Variants in EPB41L4A observed in about 807,000 individuals in gnomAD.
The protein encoded by EPB41L4A is erythrocyte membrane protein band 4.1 like 4A.
Under a neutral mutation model 108.6 loss-of-function variants are expected in EPB41L4A, and 100 were observed. The ratio of observed to expected loss-of-function variants is 0.92; its 90% CI spans 0.78 to 1.09. The LOEUF (loss-of-function observed/expected upper bound fraction) is 1.09, where lower values mean the gene tolerates loss of function less well. Ranked by LOEUF, EPB41L4A falls within the 50% of genes least tolerant of loss-of-function variation. The probability of loss-of-function intolerance (pLI) is 0.00; values close to 1 mark genes in which losing one functional copy is unlikely to be tolerated. For synonymous variants in EPB41L4A, 319 were observed against 289.0 expected, an observed-to-expected ratio of 1.10 and a Z score of -1.05; for missense variants, 1,030 against 842.7, an observed-to-expected ratio of 1.22 and a Z score of -2.75.
intron 1 of EPB41L4A, among the ~76,000 whole-genome samples, chr5:112,387,851 G>GA (rs1760666359): frequency 1.3e-5 from 2 of 152,018 alleles, no homozygotes; most frequent in African/African-American, 2.4e-5. Flanking sequence ...ATATTAAAGA[G>GA]AAAAAAGCCT....
chr5:112,237,421 A>G (rs1361306439), intron 11 of EPB41L4A, among the ~76,000 whole-genome samples: 1 of 152,186 alleles, frequency 6.6e-6, no homozygotes, highest in East Asian at 1.9e-4. Context: ...AAGACAGAGT[A>G]AAGACTAGAA....
chr5:112,404,770 C>T (rs1244885645), intron 1 of EPB41L4A, among the ~76,000 whole-genome samples: 1 of 152,228 alleles, frequency 6.6e-6, no homozygotes, highest in African/African-American at 2.4e-5. Flanking sequence ...TCTTCACGCC[C>T]TGCATCAAGT....
intron 1 of EPB41L4A, among the ~76,000 whole-genome samples, chr5:112,377,622 C>G (rs17134426): frequency 4.1e-4 from 63 of 152,160 alleles, no homozygotes; most frequent in African/African-American, 1.4e-3. Context: ...GTAGTTTTGC[C>G]AAGACCAATT....
intron 1 of EPB41L4A, among the ~76,000 whole-genome samples, chr5:112,362,855 G>A (rs115017382): frequency 6.6e-6 from 1 of 151,934 alleles, no homozygotes; most frequent in Non-Finnish European, 1.5e-5. Flanking sequence ...CTGATCTGAT[G>A]GCTTATGATG....
intron 17 of EPB41L4A, among the ~76,000 whole-genome samples, chr5:112,191,852 T>C (rs1761716774): frequency 1.3e-5 from 2 of 152,102 alleles, no homozygotes; most frequent in South Asian, 4.1e-4. Context: ...CTCCATAGGC[T>C]ACAGTTTCCT....
At chr5:112,353,625 TC>T in intron 1 of EPB41L4A, among the ~76,000 whole-genome samples, 1 of 152,234 alleles carries the variant, frequency 6.6e-6, no homozygotes, top group Non-Finnish European at 1.5e-5. Context: ...GGCAGGGTTA[TC>T]CCCAGGTTTC....
rs772478601 is a variant in EPB41L4A, at chr5:112,262,588, C to T, written c.555-7G>A. On this transcript the variant is annotated splice_polypyrimidine_tract_variant and splice_region_variant and intron_variant, in intron 6 of 22. Transcript: ENST00000261486. ...CTCAGAAGGAATCTGACCCCTACAC[C>T]CAGCACAAAAACAAAGAGCCTTATT... 1.2e-6 allele frequency: 2 copies of T among 1,612,548 alleles called. No homozygotes were observed. Among genetic ancestry groups the T allele is most frequent in the Non-Finnish European group, 1.7e-6 (2 of 1,179,240 alleles).
chr5:112,244,823 A>G (rs918676975), intron 9 of EPB41L4A, among the ~76,000 whole-genome samples: 2 of 152,192 alleles, frequency 1.3e-5, no homozygotes, highest in Admixed American at 6.5e-5. Context: ...GCTCTTTGTT[A>G]GAAAATGATT....
chr5:112,241,671 T>A (rs1022011735), intron 9 of EPB41L4A, among the ~76,000 whole-genome samples: 3 of 152,228 alleles, frequency 2.0e-5, no homozygotes, highest in Admixed American at 6.5e-5. Context: ...GTGTGTAGGT[T>A]ATATGCAAAT....
intron 1 of EPB41L4A, among the ~76,000 whole-genome samples, chr5:112,323,546 C>T (rs902867128): frequency 1.3e-5 from 2 of 152,230 alleles, no homozygotes; most frequent in African/African-American, 4.8e-5. Context: ...AACTCAACTA[C>T]TCCTTATTAA....
At chr5:112,188,848 G>A (rs7716309) in intron 17 of EPB41L4A, among the ~76,000 whole-genome samples, 102,917 of 151,856 alleles carry the variant, frequency 0.68, 35,761 homozygotes, top group East Asian at 0.99. Flanking sequence ...TTTCCCTAGG[G>A]TACAGGGACA....
intron 3 of EPB41L4A, 51 bp downstream of exon 3, chr5:112,280,221 T>C: frequency 6.6e-7 from 1 of 1,508,926 alleles, no homozygotes; most frequent in Non-Finnish European, 9.2e-7. Context: ...ATCATGGACT[T>C]TGTCATCGTT....
At chr5:112,252,022 T>C (rs567422392) in intron 9 of EPB41L4A, among the ~76,000 whole-genome samples, 1 of 151,838 alleles carries the variant, frequency 6.6e-6, no homozygotes, top group South Asian at 2.1e-4. Flanking sequence ...AACTATGTGA[T>C]ATGTGTTACA....
At chr5:112,276,472 GC>G (rs2150494494) in intron 3 of EPB41L4A, among the ~76,000 whole-genome samples, 1 of 152,280 alleles carries the variant, frequency 6.6e-6, no homozygotes, top group Admixed American at 6.5e-5. Flanking sequence ...TCCAAGCTGT[GC>G]AGTAACTAGA....
In EPB41L4A at chr5:112,203,617, C is replaced by G. The variant is rs114809213; in HGVS notation, c.1376+758G>C. Among the ~76,000 whole-genome samples the G allele has an allele frequency of 5.7e-3, 871 of 152,170 alleles. 12 individuals are homozygous for G. The highest frequency in any genetic ancestry group is 0.02 in the African/African-American group (834 of 41,506). On this transcript the variant is annotated intron_variant, in intron 15 of 22. Transcript: ENST00000261486. The stretch of plus-strand genomic sequence containing the variant: ...ATATTATCCCTTCAAACACTCTACC[C>G]GTATAGGTAAAATGTAACAGGATTC...
At chr5:112,379,993 G>T (rs1760059617) in intron 1 of EPB41L4A, among the ~76,000 whole-genome samples, 1 of 152,176 alleles carries the variant, frequency 6.6e-6, no homozygotes, top group African/African-American at 2.4e-5. Context: ...ATTATCTGAG[G>T]TAGGAACTCA....
In EPB41L4A at chr5:112,163,314, CA is replaced by C. The variant is rs2150183222; in HGVS notation, c.*1675del. On this transcript the variant is annotated 3_prime_UTR_variant, in exon 23 of 23. Coordinates refer to ENST00000261486, the MANE Select transcript of EPB41L4A (RefSeq NM_022140.5). ...ATTCAGCTGGGGAGCAGCATTTAAACAGCTGAATTTTTAAATTACCTTTGAG... is the reference window on the plus strand; with the variant it reads ...ATTCAGCTGGGGAGCAGCATTTAAACGCTGAATTTTTAAATTACCTTTGAG... 1 of 152,310 alleles carries C rather than the reference CA, an allele frequency of 6.6e-6. No individual in the cohort carries two copies. The highest frequency in any genetic ancestry group is 1.9e-4 in the East Asian group (1 of 5,188). The allele number at this position is 152,310 out of a possible 1,614,324, so 9.4% of individuals were successfully genotyped here. A position where few individuals can be genotyped will look rare whatever the true frequency, so the allele number is the denominator to read the frequency against.
Position 112,204,369 on chromosome 5 carries a change from G to A in EPB41L4A, c.1376+6C>T, listed in dbSNP as rs150577292. 9.2e-5 allele frequency: 147 copies of A among 1,593,064 alleles called. 1 individual carries two copies. The Middle Eastern group carries it at 1.5e-3, about 16-fold the overall frequency. On this transcript the variant is annotated splice_donor_region_variant and intron_variant, in intron 15 of 22. Transcript: ENST00000261486. ...GCTGCTAACAGAGAGATTGTGTTCCGCTTACCTCCTCCTCACAGGCTGTAC... is the reference window on the plus strand; with the variant it reads ...GCTGCTAACAGAGAGATTGTGTTCCACTTACCTCCTCCTCACAGGCTGTAC...
rs1580767159 is a variant in EPB41L4A, at chr5:112,365,357, T to C, written c.99+53584A>G. Among the ~76,000 whole-genome samples the C allele has an allele frequency of 2.0e-5, 3 of 152,284 alleles. 1 individual carries two copies. The South Asian group carries it at 6.2e-4, about 32-fold the overall frequency. On this transcript the variant is annotated intron_variant, in intron 1 of 22. Coordinates refer to ENST00000261486, the MANE Select transcript of EPB41L4A (RefSeq NM_022140.5). ...AGTCTCCAGGCACACCTAGCTTTCA[T>C]GAATATTATACTTCATTTTGTATCT...
Sources: gnomAD v4.1 joint callset for allele counts (sites outside exome capture counted in the v4.1 genomes callset) on GRCh38, gnomAD v4.1.1 for gene constraint, MANE v1.5 for transcripts, NCBI Gene and HGNC (gene_info 2026-07-23, HGNC 2026-07-21) for gene names.